The following TREM1 variants were observed in gnomAD, a reference collection of about 807,000 sequenced individuals.
The protein encoded by TREM1 is triggering receptor expressed on myeloid cells 1, also known as triggering receptor expressed on monocytes 1.
Under a neutral mutation model 22.4 loss-of-function variants are expected in TREM1, and 16 were observed. The ratio of observed to expected loss-of-function variants is 0.71; its 90% CI spans 0.48 to 1.08. TREM1 has a LOEUF of 1.08. TREM1 is among the 50% of genes least tolerant of loss of function. TREM1 has a pLI of 0.00. For synonymous variants in TREM1, 110 were observed against 111.6 expected (o/e 0.99, Z 0.09); for missense variants, 283 against 282.9 (o/e 1.00, Z 0.00).
chr6:41,284,070 C>T (rs1228094534), intron 1 of TREM1, among the ~76,000 whole-genome samples: 1 of 152,116 alleles, frequency 6.6e-6, no homozygotes, highest in Admixed American at 6.5e-5. Context: ...ACCCCTTGTA[C>T]TTCCCAGTTA....
chr6:41,270,446 AATATAT>A (rs68021402), downstream of TREM1, among the ~76,000 whole-genome samples: 600 of 144,002 alleles, frequency 4.2e-3, 7 homozygotes, highest in African/African-American at 0.015. Flanking sequence ...GATATTATAT[AATATAT>A]ATATATATAT....
In TREM1 at chr6:41,280,965, TG is replaced by T. The variant is rs1157155643; in HGVS notation, c.594del (p.Ile199SerfsTer17). ...SEINLTNVTD[I>X]IRVPVFNIVI... is the part of the protein sequence containing the mutation. ...CCAGGGACCTGGAAACTATACCTGA[TG>T]ATATCTGTCACATTTGTAAGGTTGA... On this transcript the variant is annotated frameshift_variant, in exon 3 of 4. Coordinates refer to ENST00000244709, the MANE Select transcript of TREM1 (RefSeq NM_018643.5). LOFTEE classifies it high-confidence loss of function. 7 of 1,614,220 alleles carry T rather than the reference TG, an allele frequency of 4.3e-6. No individual in the cohort carries two copies. The highest frequency in any genetic ancestry group is 5.9e-6 in the Non-Finnish European group (7 of 1,180,048).
chr6:41,278,720 A>C (rs35011714), intron 3 of TREM1, among the ~76,000 whole-genome samples: 12,278 of 152,164 alleles, frequency 0.081, 569 homozygotes, highest in African/African-American at 0.1. Context: ...TGTGGATTCC[A>C]CTTTCCAGAC....
downstream of TREM1, among the ~76,000 whole-genome samples, chr6:41,272,502 C>T (rs956896348): frequency 1.3e-5 from 2 of 152,206 alleles, no homozygotes; most frequent in South Asian, 4.1e-4. Flanking sequence ...AGGCACGTGG[C>T]TTCACTCAGG....
At chr6:41,282,371 C>T (rs1767955256) in intron 2 of TREM1, 24 bp downstream of exon 2, 3 of 1,564,238 alleles carry the variant, frequency 1.9e-6, no homozygotes, top group African/African-American at 1.4e-5. Flanking sequence ...GCCCTTCTTT[C>T]CCCCCAAGTC....
chr6:41,270,256 G>A (rs868787014), downstream of TREM1: 5 of 152,320 alleles, frequency 3.3e-5, no homozygotes, highest in Admixed American at 6.6e-5. Context: ...ACTTCACTGA[G>A]CAAACATGAT....
At chr6:41,277,907 CTTT>C (rs11341322) in intron 3 of TREM1, among the ~76,000 whole-genome samples, 122 of 111,312 alleles carry the variant, frequency 1.1e-3, no homozygotes, top group Non-Finnish European at 1.5e-3. Context: ...TTCTTTTTGT[CTTT>C]TTTTTTTTTT....
At chr6:41,273,046 G>A (rs906725671), downstream of TREM1, among the ~76,000 whole-genome samples, 3 of 152,196 alleles carry the variant, frequency 2.0e-5, no homozygotes, top group Non-Finnish European at 2.9e-5. Context: ...CTGCAGGCAC[G>A]TGACTTGACC....
At chr6:41,276,500 T>C (rs888706691) in intron 3 of TREM1, among the ~76,000 whole-genome samples, 14 of 152,178 alleles carry the variant, frequency 9.2e-5, no homozygotes, top group Middle Eastern at 6.8e-3. Flanking sequence ...CCCTGTGATG[T>C]GGTAGGGAGA....
Position 41,279,416 on chromosome 6 carries a change from C to T in TREM1, c.599+1545G>A, listed in dbSNP as rs6915985. The T allele has an allele frequency of 7.5e-3, 4,172 of 558,942 alleles. 149 individuals are homozygous for T. In the African/African-American group the frequency reaches 0.077, roughly 10 times the overall value. The allele number at this position is 558,942 out of a possible 1,614,324, so 34.6% of individuals were successfully genotyped here. ...ATACTTTGATTAAAAGGCCCAGAAC[C>T]TGGACAGCTTACACTTAAGGCCCTC... is the stretch of plus-strand genomic sequence containing the variant. On this transcript the variant is annotated intron_variant, in intron 3 of 3. Coordinates refer to ENST00000244709, the MANE Select transcript of TREM1 (RefSeq NM_018643.5).
At chr6:41,271,201 A>C (rs1279287456), downstream of TREM1, among the ~76,000 whole-genome samples, 1 of 152,170 alleles carries the variant, frequency 6.6e-6, no homozygotes, top group East Asian at 1.9e-4. Context: ...TGGTTCCATC[A>C]TCATCATCTC....
downstream of TREM1, among the ~76,000 whole-genome samples, chr6:41,272,666 G>T (rs537117945): frequency 1.1e-4 from 16 of 152,162 alleles, no homozygotes; most frequent in African/African-American, 3.9e-4. Context: ...CTGCATATAG[G>T]TAAGATGGAC....
Position 41,273,807 on chromosome 6 carries a change from G to GCAGC in TREM1, c.*2314_*2317dup, listed in dbSNP as rs578198320. 6.4e-3 allele frequency among the ~76,000 whole-genome samples: 971 copies of GCAGC among 152,300 alleles called. 31 individuals carry two copies. In the South Asian group the frequency reaches 0.11, roughly 16 times the overall value. ...CTTGAAGGAGCCTTCAGAGGGGAAT[G>GCAGC]CAGCCACTCCTGCCACCACCTGCCA... On this transcript the variant is annotated 3_prime_UTR_variant, in exon 4 of 4. Coordinates refer to ENST00000244709, the MANE Select transcript of TREM1 (RefSeq NM_018643.5).
At chr6:41,278,667 A>T (rs1009846430) in intron 3 of TREM1, among the ~76,000 whole-genome samples, 1 of 151,932 alleles carries the variant, frequency 6.6e-6, no homozygotes. Flanking sequence ...AAAAAAAAAA[A>T]GAAAAGAAAA....
intron 2 of TREM1, chr6:41,281,635 G>A (rs936603752): frequency 6.2e-6 from 1 of 160,988 alleles, no homozygotes; most frequent in Non-Finnish European, 1.4e-5. Context: ...GTCTTCCTCA[G>A]GCTTAGAATT....
At chr6:41,279,056 C>A (rs1767789440) in intron 3 of TREM1, among the ~76,000 whole-genome samples, 2 of 152,220 alleles carry the variant, frequency 1.3e-5, no homozygotes, top group Non-Finnish European at 2.9e-5. Context: ...GAATCAAAGG[C>A]TACTCTCCCT....
chr6:41,272,265 G>A (rs1280074890), downstream of TREM1, among the ~76,000 whole-genome samples: 1 of 151,990 alleles, frequency 6.6e-6, no homozygotes, highest in African/African-American at 2.4e-5. Context: ...GCACCATGGT[G>A]AGTCTAGACC....
intron 1 of TREM1, among the ~76,000 whole-genome samples, chr6:41,284,758 G>A (rs754100779): frequency 2.0e-5 from 3 of 152,194 alleles, no homozygotes; most frequent in Non-Finnish European, 4.4e-5. Flanking sequence ...TAGGCCAACA[G>A]ATCTGCCTGA....
Position 41,282,530 on chromosome 6 carries a change from G to A in TREM1, c.271C>T (p.His91Tyr), listed in dbSNP as rs1581634285. The part of the protein sequence containing the change: ...QVGRIILEDY[H>Y]DHGLLRVRMV... ...CGGACGCGCAGTAAACCATGATCAT[G>A]GTAGTCTTCTAGTATGATCCTCCCC... Residue 91 changes from histidine (H) to tyrosine (Y), a missense_variant, in exon 2 of 4, where the codon CAT becomes TAT. Physicochemically the swap from His to Tyr is moderately conservative, Grantham distance 83 (BLOSUM62 2). Transcript: ENST00000244709. The A allele has an allele frequency of 6.2e-7, 1 of 1,614,128 alleles. No homozygotes were observed. The highest frequency in any genetic ancestry group is 8.5e-7 in the Non-Finnish European group (1 of 1,180,022).
Sources: gnomAD v4.1 joint callset for allele counts (sites outside exome capture counted in the v4.1 genomes callset) on GRCh38, gnomAD v4.1.1 for gene constraint, MANE v1.5 for transcripts, NCBI Gene and HGNC (gene_info 2026-07-23, HGNC 2026-07-21) for gene names.